Variants in CLN3 observed in about 807,000 individuals in gnomAD.
The protein encoded by CLN3 is CLN3 lysosomal/endosomal transmembrane protein, battenin, also known as battenin.
A neutral mutation model predicts 60.7 loss-of-function variants in CLN3; 49 were observed. The ratio of observed to expected loss-of-function variants is 0.81; its 90% CI spans 0.64 to 1.02. The LOEUF (loss-of-function observed/expected upper bound fraction) is 1.02. CLN3 is among the 50% of genes least tolerant of loss of function. CLN3 has a pLI of 0.00. For synonymous variants in CLN3, 256 were observed against 245.8 expected, an observed-to-expected ratio of 1.04 and a Z score of -0.39; for missense variants, 516 against 557.4, an observed-to-expected ratio of 0.93 and a Z score of 0.75.
intron 9 of CLN3, among the ~76,000 whole-genome samples, chr16:28,485,445 G>A (rs1309691208): frequency 6.6e-6 from 1 of 150,378 alleles, no homozygotes; most frequent in African/African-American, 2.4e-5. Context: ...GCATGGGCCT[G>A]TAGTCCCAGC....
rs752205710 is a variant in CLN3 at position 28,491,728 on chromosome 16, A to G, written c.32T>C (p.Phe11Ser). The G allele has an allele frequency of 1.1e-5, 17 of 1,613,900 alleles. No homozygotes were observed. The highest frequency in any genetic ancestry group is 4.0e-5 in the African/African-American group (3 of 74,918). The change falls in exon 2 of 16, where the codon TTT becomes TCT. Residue 11 changes from phenylalanine to serine, a missense_variant. Coordinates refer to ENST00000636147, the MANE Select transcript of CLN3 (RefSeq NM_001042432.2). MGGCAGSRRR[F>S]SDSEGEETVP... ...GGAATACTCACCCTCGGAATCCGAA[A>G]AGCGCCGCCGCGAGCCTGCACAGCC...
At position 28,489,301 on chromosome 16, in the gene CLN3, T is replaced by C; in HGVS notation, c.211A>G (p.Asn71Asp). The change falls in exon 4 of 16, where the codon AAC becomes GAC. Residue 71 changes from asparagine to aspartate, a missense_variant. Coordinates refer to ENST00000636147, the MANE Select transcript of CLN3 (RefSeq NM_001042432.2). ...AGAGAGTCACTTACATGGCTCTGGT[T>C]TCCCGATGTCCTCTTGTGGCTAAGG... ...DILSHKRTSG[N>D]QSHVDPGPTP... 6.2e-7 allele frequency: 1 copy of C among 1,612,754 alleles called. No homozygotes were observed. Among genetic ancestry groups the C allele is most frequent in the Non-Finnish European group, 8.5e-7 (1 of 1,179,384 alleles).
intron 3 of CLN3, among the ~76,000 whole-genome samples, chr16:28,489,980 C>G (rs2046286014): frequency 6.6e-6 from 1 of 151,758 alleles, no homozygotes; most frequent in Non-Finnish European, 1.5e-5. Context: ...CCACTTGAAC[C>G]CGAAAGGCGG....
chr16:28,483,222 TA>T (rs2046134635), intron 10 of CLN3, among the ~76,000 whole-genome samples: 1 of 152,104 alleles, frequency 6.6e-6, no homozygotes, highest in East Asian at 1.9e-4. Context: ...CTTTGATTTT[TA>T]ATTTTTTTTA....
chr16:28,472,015 G>T (rs2045953958), downstream of CLN3, among the ~76,000 whole-genome samples: 1 of 152,112 alleles, frequency 6.6e-6, no homozygotes, highest in South Asian at 2.1e-4. Flanking sequence ...GAGCAACAGA[G>T]CGAGACTCCG....
At chr16:28,487,415 T>C in intron 7 of CLN3, 41 bp downstream of exon 7, 4 of 1,500,260 alleles carry the variant, frequency 2.7e-6, no homozygotes, top group Non-Finnish European at 3.7e-6. Flanking sequence ...TCTGATGTGG[T>C]TCCTCGGGGC....
rs765319085 is a variant in CLN3 at position 28,482,225 on chromosome 16, G to C, written c.963-27C>G. 2.5e-6 allele frequency: 4 copies of C among 1,600,912 alleles called. No homozygotes were observed. The Admixed American group carries it at 6.8e-5, about 27-fold the overall frequency. Reference sequence around the variant, plus strand: ...TGAGGTTAGGGTTGGGGGGAGGAGAGGAGGCTCCTCCAGGGACCATCCCGC... The same window carrying C: ...TGAGGTTAGGGTTGGGGGGAGGAGACGAGGCTCCTCCAGGGACCATCCCGC... On this transcript the variant is annotated intron_variant, in intron 13 of 15. Transcript: ENST00000636147.
chr16:28,470,705 G>C (rs1386031348), downstream of CLN3, among the ~76,000 whole-genome samples: 10 of 150,718 alleles, frequency 6.6e-5, no homozygotes, highest in Non-Finnish European at 1.5e-4. Flanking sequence ...TGGGCACCTG[G>C]AGGAGGTGGA....
downstream of CLN3, among the ~76,000 whole-genome samples, chr16:28,474,831 G>A (rs2045978220): frequency 6.6e-6 from 1 of 152,198 alleles, no homozygotes; most frequent in Non-Finnish European, 1.5e-5. Flanking sequence ...GCTGGGTGTG[G>A]TGGCTCATGG....
chr16:28,486,763 A>C, intron 7 of CLN3, 113 bp from the exon 8 acceptor site: 1 of 1,006,386 alleles, frequency 9.9e-7, no homozygotes, highest in Non-Finnish European at 1.5e-6. Context: ...GCTCCAATAG[A>C]TCCCATGCAT....
At chr16:28,487,996 C>T (rs955308010) in intron 5 of CLN3, 2 of 473,082 alleles carry the variant, frequency 4.2e-6, no homozygotes, top group African/African-American at 2.0e-5. Flanking sequence ...TGCTGTGTGG[C>T]TTAAATGAGC....
downstream of CLN3, among the ~76,000 whole-genome samples, chr16:28,474,851 C>T (rs754507896): frequency 1.3e-5 from 2 of 152,016 alleles, no homozygotes; most frequent in Non-Finnish European, 2.9e-5. Context: ...GGTAATAATC[C>T]CAGACCTTTG....
intron 7 of CLN3, chr16:28,487,247 A>G: frequency 1.6e-6 from 1 of 637,074 alleles, no homozygotes; most frequent in Non-Finnish European, 2.9e-6. Context: ...CTCAATCTCC[A>G]TCTAATTCAT....
chr16:28,486,205 C>T, intron 9 of CLN3, 142 bp downstream of exon 9: 1 of 1,031,790 alleles, frequency 9.7e-7, no homozygotes, highest in Non-Finnish European at 1.5e-6. Context: ...ACCATGTTGG[C>T]CAGGCTGGTT....
chr16:28,477,662 G>A (rs1596619459), intron 15 of CLN3, 27 bp from the exon 16 acceptor site: 1 of 1,613,890 alleles, frequency 6.2e-7, no homozygotes, highest in South Asian at 1.1e-5. Flanking sequence ...CAGGGGTGAG[G>A]CTTCAGTCCC....
rs770134980 is a variant in CLN3 at position 28,484,137 on chromosome 16, C to T, written c.678-19G>A. ...GAAATAGCTAGGAGTAGGATGAAGGCAGGGTCAGAAAACCCTACTGGCTGG... is the reference window on the plus strand; with the variant it reads ...GAAATAGCTAGGAGTAGGATGAAGGTAGGGTCAGAAAACCCTACTGGCTGG... On this transcript the variant is annotated intron_variant, in intron 9 of 15. Transcript: ENST00000636147. 5 of 1,580,424 alleles carry T rather than the reference C, an allele frequency of 3.2e-6. No homozygotes were observed. Among genetic ancestry groups the T allele is most frequent in the Admixed American group, 3.5e-5 (2 of 56,768 alleles).
chr16:28,479,583 G>A lies in CLN3; in HGVS notation c.1057-1706C>T, dbSNP rs114887681. ...GCCTGAGCTACAAGAGCAAAACTCT[G>A]TCTCTAAAAAACAAAACAAAACAAA... On this transcript the variant is annotated intron_variant, in intron 14 of 15. Transcript: ENST00000636147. 1,227 of 156,650 alleles carry A rather than the reference G, an allele frequency of 7.8e-3. 15 individuals carry two copies. The highest frequency in any genetic ancestry group is 0.026 in the African/African-American group (1,065 of 41,494). The allele number at this position is 156,650 out of a possible 1,614,324, so 9.7% of individuals were successfully genotyped here.
At chr16:28,481,458 A>ACACACACACACG (rs1555468023) in intron 14 of CLN3, among the ~76,000 whole-genome samples, 130 of 129,026 alleles carry the variant, frequency 1.0e-3, no homozygotes, top group Middle Eastern at 7.3e-3. Context: ...ACACACGCAC[A>ACACACACACACG]CACACACACA....
At chr16:28,486,781 G>T in intron 7 of CLN3, 131 bp from the exon 8 acceptor site, 1 of 882,938 alleles carries the variant, frequency 1.1e-6, no homozygotes, top group Non-Finnish European at 1.8e-6. Flanking sequence ...CATAGGCCAG[G>T]TTCCAGGTCT....
Sources: allele counts gnomAD v4.1 joint callset (sites outside exome capture counted in the v4.1 genomes callset), GRCh38; gene constraint gnomAD v4.1.1; transcripts MANE v1.5; gene names NCBI Gene and HGNC (gene_info 2026-07-23, HGNC 2026-07-21).